Variants in ASIC2 observed in about 807,000 individuals in gnomAD.
The protein encoded by ASIC2 is acid sensing ion channel subunit 2.
In ASIC2, 25 loss-of-function variants were observed where a neutral mutation model predicts 57.3. That is an observed-to-expected ratio of 0.44 (90% CI 0.32 to 0.61). The LOEUF (loss-of-function observed/expected upper bound fraction) is 0.61, where lower values mean the gene tolerates loss of function less well. ASIC2 is among the 20% of genes least tolerant of loss of function. ASIC2 has a pLI of 0.06. For missense variants in ASIC2, 641 were observed against 738.1 expected (o/e 0.87, Z 1.52); for synonymous variants, 319 against 307.5 (o/e 1.04, Z -0.39).
At chr17:33,978,390 C>T (rs1350605511) in intron 1 of ASIC2, among the ~76,000 whole-genome samples, 1 of 152,154 alleles carries the variant, frequency 6.6e-6, no homozygotes, top group Non-Finnish European at 1.5e-5. Flanking sequence ...CAGACTGCCC[C>T]GTCAAGATCC....
intron 1 of ASIC2, among the ~76,000 whole-genome samples, chr17:33,836,562 A>G (rs1326161908): frequency 2.0e-5 from 3 of 152,136 alleles, no homozygotes; most frequent in African/African-American, 4.8e-5. Context: ...TGCTGAAGTT[A>G]AGCAGGTTTT....
chr17:33,489,989 G>A (rs944808827), intron 1 of ASIC2, among the ~76,000 whole-genome samples: 11 of 152,254 alleles, frequency 7.2e-5, no homozygotes, highest in African/African-American at 2.2e-4. Context: ...ATTTCTTTCT[G>A]GACTATTTGC....
At chr17:33,452,988 T>C (rs1267452834) in intron 1 of ASIC2, among the ~76,000 whole-genome samples, 2 of 152,172 alleles carry the variant, frequency 1.3e-5, no homozygotes, top group Non-Finnish European at 2.9e-5. Flanking sequence ...CCTTAGTGTT[T>C]TTCCGCACAG....
chr17:34,114,393 T>C (rs2142113745), intron 1 of ASIC2, among the ~76,000 whole-genome samples: 1 of 152,274 alleles, frequency 6.6e-6, no homozygotes, highest in South Asian at 2.1e-4. Flanking sequence ...TGGGAAGGTC[T>C]GTGAGGGTGA....
chr17:33,367,039 C>G (rs1350415481), intron 1 of ASIC2, among the ~76,000 whole-genome samples: 1 of 152,206 alleles, frequency 6.6e-6, no homozygotes, highest in African/African-American at 2.4e-5. Flanking sequence ...AGAATTCAGC[C>G]AGACAAAGGG....
chr17:33,560,558 G>A (rs1250231157), intron 1 of ASIC2, among the ~76,000 whole-genome samples: 3 of 152,202 alleles, frequency 2.0e-5, no homozygotes, highest in Non-Finnish European at 4.4e-5. Context: ...TCAGAGGAAA[G>A]CGAGGTGTGG....
At chr17:33,114,309 C>G (rs117559144) in intron 1 of ASIC2, among the ~76,000 whole-genome samples, 1 of 152,208 alleles carries the variant, frequency 6.6e-6, no homozygotes, top group African/African-American at 2.4e-5. Flanking sequence ...CCCATGGAGA[C>G]GTGTTCTTGG....
chr17:33,850,413 C>T (rs1326676772), intron 1 of ASIC2, among the ~76,000 whole-genome samples: 1 of 152,182 alleles, frequency 6.6e-6, no homozygotes, highest in African/African-American at 2.4e-5. Context: ...TAATGGGTAC[C>T]ATTTTTCTCC....
At chr17:33,178,855 G>C (rs1039012416) in intron 1 of ASIC2, among the ~76,000 whole-genome samples, 1 of 152,144 alleles carries the variant, frequency 6.6e-6, no homozygotes, top group African/African-American at 2.4e-5. Context: ...CTGCATCCCC[G>C]ACAGCCTCCC....
intron 1 of ASIC2, among the ~76,000 whole-genome samples, chr17:33,893,325 A>G (rs933541843): frequency 2.0e-5 from 3 of 152,172 alleles, no homozygotes; most frequent in African/African-American, 7.2e-5. Context: ...GTAATGAGTA[A>G]CACACTTTGG....
chr17:33,824,480 G>A lies in ASIC2; in HGVS notation c.555+331498C>T, dbSNP rs529072941. 3.0e-4 allele frequency among the ~76,000 whole-genome samples: 46 copies of A among 152,056 alleles called. 1 individual carries two copies. Among genetic ancestry groups the A allele is most frequent in the Admixed American group, 1.6e-3 (25 of 15,286 alleles). Reference sequence around the variant, plus strand: ...TTTTTTAAAGAAAAAAGGCTGTATAGCAGTTATAAGTATGAGCTGATGAGC... The same window carrying A: ...TTTTTTAAAGAAAAAAGGCTGTATAACAGTTATAAGTATGAGCTGATGAGC... On this transcript the variant is annotated intron_variant, in intron 1 of 9. Coordinates refer to the ASIC2 transcript ENST00000359872.
chr17:33,606,188 G>T (rs1404025317), intron 1 of ASIC2, among the ~76,000 whole-genome samples: 1 of 152,172 alleles, frequency 6.6e-6, no homozygotes, highest in Non-Finnish European at 1.5e-5. Context: ...CTTGGAAGCA[G>T]AGCTGATTTG....
intron 1 of ASIC2, among the ~76,000 whole-genome samples, chr17:33,364,082 T>C (rs1389762831): frequency 1.3e-5 from 2 of 152,136 alleles, no homozygotes; most frequent in Admixed American, 1.3e-4. Flanking sequence ...GGAGGTACAG[T>C]GACGTGTTCA....
At chr17:33,432,902 A>C (rs1911468602) in intron 1 of ASIC2, among the ~76,000 whole-genome samples, 1 of 152,206 alleles carries the variant, frequency 6.6e-6, no homozygotes, top group Non-Finnish European at 1.5e-5. Flanking sequence ...TCAAAAAATA[A>C]CTGATGTTGG....
chr17:33,731,326 A>AG (rs1835803312), intron 1 of ASIC2, among the ~76,000 whole-genome samples: 3 of 152,114 alleles, frequency 2.0e-5, no homozygotes, highest in South Asian at 2.1e-4. Context: ...GCTATATTTT[A>AG]GGGGGGAGGT....
intron 1 of ASIC2, among the ~76,000 whole-genome samples, chr17:33,130,858 C>G (rs945009369): frequency 6.6e-6 from 1 of 152,130 alleles, no homozygotes; most frequent in African/African-American, 2.4e-5. Context: ...GATGGGAATC[C>G]AAGTCAGAAT....
intron 1 of ASIC2, among the ~76,000 whole-genome samples, chr17:33,826,814 G>T (rs1359132934): frequency 6.6e-6 from 1 of 152,166 alleles, no homozygotes; most frequent in Non-Finnish European, 1.5e-5. Flanking sequence ...CAGACATAGT[G>T]TCTGTCTACC....
chr17:33,187,905 G>GAAAAAAAAAAAAAAA (rs60454518), intron 1 of ASIC2, among the ~76,000 whole-genome samples: 3 of 90,716 alleles, frequency 3.3e-5, no homozygotes, highest in Admixed American at 1.1e-4. Context: ...GGTCAGGGAT[G>GAAAAAAAAAAAAAAA]AAAAAAAAAA....
At chr17:33,523,596 T>A (rs961980711) in intron 1 of ASIC2, among the ~76,000 whole-genome samples, 8 of 152,162 alleles carry the variant, frequency 5.3e-5, no homozygotes, top group Non-Finnish European at 1.0e-4. Flanking sequence ...GCTTAGAGGT[T>A]TAAGTAGCAT....
Sources: allele counts gnomAD v4.1 joint callset (sites outside exome capture counted in the v4.1 genomes callset), GRCh38; gene constraint gnomAD v4.1.1; transcripts MANE v1.5; gene names NCBI Gene and HGNC (gene_info 2026-07-23, HGNC 2026-07-21).